PLS1: variants seen among roughly 807,000 people sequenced by gnomAD.
The protein encoded by PLS1 is plastin 1.
Under a neutral mutation model 73.7 loss-of-function variants are expected in PLS1, and 32 were observed. The observed-to-expected ratio is 0.43, with a 90% CI of 0.33 to 0.58. The LOEUF (loss-of-function observed/expected upper bound fraction) is 0.58, where lower values mean the gene tolerates loss of function less well. PLS1 is among the 20% of genes least tolerant of loss of function. The pLI is 0.04. For synonymous variants in PLS1, 217 were observed against 261.3 expected (o/e 0.83, Z 1.63); for missense variants, 633 against 740.5 (o/e 0.85, Z 1.68).
chr3:142,665,802 ATT>A (rs34007040), intron 2 of PLS1, among the ~76,000 whole-genome samples: 26 of 149,672 alleles, frequency 1.7e-4, no homozygotes, highest in East Asian at 3.9e-4. Context: ...TGATGGAACA[ATT>A]TTTTTTTTTT....
intron 1 of PLS1, among the ~76,000 whole-genome samples, chr3:142,610,867 A>G (rs906053170): frequency 4.6e-5 from 7 of 152,132 alleles, no homozygotes; most frequent in African/African-American, 1.7e-4. Context: ...GCTGAACACA[A>G]TTTTGGGCCC....
intron 6 of PLS1, among the ~76,000 whole-genome samples, chr3:142,681,698 A>G (rs1468198801): frequency 6.6e-6 from 1 of 152,168 alleles, no homozygotes; most frequent in Non-Finnish European, 1.5e-5. Flanking sequence ...GCAGTTGTCC[A>G]TGGTAAGAAT....
At chr3:142,667,409 G>T (rs910244710) in intron 2 of PLS1, among the ~76,000 whole-genome samples, 12 of 151,912 alleles carry the variant, frequency 7.9e-5, no homozygotes, top group African/African-American at 2.9e-4. Flanking sequence ...GCGAGACTCC[G>T]ACTCAAAAAA....
intron 1 of PLS1, among the ~76,000 whole-genome samples, chr3:142,622,421 C>T (rs980763153): frequency 2.0e-5 from 3 of 152,104 alleles, no homozygotes; most frequent in Non-Finnish European, 2.9e-5. Context: ...CTCCTTTCAC[C>T]CTGTTCCAAG....
intron 3 of PLS1, among the ~76,000 whole-genome samples, chr3:142,670,438 A>G (rs2037580625): frequency 6.6e-6 from 1 of 152,194 alleles, no homozygotes; most frequent in Admixed American, 6.5e-5. Context: ...AAGACAATGA[A>G]GTGGGAAGAA....
At chr3:142,598,991 A>G (rs1215640425) in intron 1 of PLS1, among the ~76,000 whole-genome samples, 1 of 151,522 alleles carries the variant, frequency 6.6e-6, no homozygotes, top group African/African-American at 2.4e-5. Context: ...ACAGTGCAAG[A>G]CTGCATCTGA....
intron 1 of PLS1, among the ~76,000 whole-genome samples, chr3:142,632,278 T>G (rs2036582367): frequency 6.6e-6 from 1 of 152,196 alleles, no homozygotes; most frequent in African/African-American, 2.4e-5. Flanking sequence ...AAAAGCGAGT[T>G]TTCTATGCAC....
chr3:142,705,101 TTTGA>T (rs1395431415), intron 14 of PLS1, among the ~76,000 whole-genome samples: 20 of 152,180 alleles, frequency 1.3e-4, no homozygotes, highest in African/African-American at 4.8e-4. Flanking sequence ...TTACTAAATT[TTTGA>T]TTGGTTGTCC....
chr3:142,643,471 G>C (rs2036883823), intron 1 of PLS1, among the ~76,000 whole-genome samples: 1 of 152,186 alleles, frequency 6.6e-6, no homozygotes, highest in African/African-American at 2.4e-5. Context: ...CCTATGATGG[G>C]CATCAGATAA....
intron 11 of PLS1, among the ~76,000 whole-genome samples, chr3:142,694,947 T>G (rs2038162844): frequency 6.6e-6 from 1 of 152,192 alleles, no homozygotes. Context: ...TTTTCTAATT[T>G]GTAAAAGTAA....
intron 6 of PLS1, among the ~76,000 whole-genome samples, chr3:142,681,650 G>A (rs939225144): frequency 7.2e-5 from 11 of 152,062 alleles, no homozygotes; most frequent in African/African-American, 1.4e-4. Context: ...CTATCTTTCC[G>A]CATCAACACG....
rs1371418663 is a variant in PLS1 at position 142,664,219 on chromosome 3, T to C, written c.-19T>C. 6 of 1,443,678 alleles carry C rather than the reference T, an allele frequency of 4.2e-6. No homozygotes were observed. The highest frequency in any genetic ancestry group is 3.6e-4 in the Middle Eastern group (2 of 5,598). The allele number at this position is 1,443,678 out of a possible 1,614,324, so 89.4% of individuals were successfully genotyped here. A position where few individuals can be genotyped will look rare whatever the true frequency, so the allele number is the denominator to read the frequency against. On this transcript the variant is annotated 5_prime_UTR_variant, in exon 2 of 16. Coordinates refer to ENST00000457734, the MANE Select transcript of PLS1 (RefSeq NM_001145319.2). ...TTTTCTAGATATAAAGACCTGAAGA[T>C]AGTCTTTTCTGTCCAAAGATGGAAA...
chr3:142,635,497 G>A (rs2036662570), intron 1 of PLS1, among the ~76,000 whole-genome samples: 1 of 152,002 alleles, frequency 6.6e-6, no homozygotes, highest in Non-Finnish European at 1.5e-5. Context: ...CAGCTACTCA[G>A]GAGGCTGAGG....
intron 8 of PLS1, among the ~76,000 whole-genome samples, chr3:142,685,650 A>T (rs760885127): frequency 6.6e-6 from 1 of 152,180 alleles, no homozygotes; most frequent in Non-Finnish European, 1.5e-5. Flanking sequence ...TCTTATGTAG[A>T]GGTTAACTTT....
At chr3:142,646,376 G>A (rs1048336793) in intron 1 of PLS1, among the ~76,000 whole-genome samples, 1 of 152,186 alleles carries the variant, frequency 6.6e-6, no homozygotes, top group South Asian at 2.1e-4. Context: ...TTTTTGATTG[G>A]ATGCAATGAG....
intron 11 of PLS1, among the ~76,000 whole-genome samples, chr3:142,696,562 C>CA (rs1162407795): frequency 6.6e-6 from 1 of 151,888 alleles, no homozygotes; most frequent in East Asian, 1.9e-4. Context: ...CAGCCCATAC[C>CA]AAAACAGCTA....
chr3:142,675,674 C>T (rs1390543964), intron 4 of PLS1, among the ~76,000 whole-genome samples: 2 of 151,550 alleles, frequency 1.3e-5, no homozygotes, highest in East Asian at 1.9e-4. Flanking sequence ...CGTGAGCCAC[C>T]GTGCTCCCCG....
At position 142,709,816 on chromosome 3, in the gene PLS1, CA is replaced by C. The variant is rs11438304; in HGVS notation, c.1630-1669del. On this transcript the variant is annotated intron_variant, in intron 14 of 15. Coordinates refer to ENST00000457734, the MANE Select transcript of PLS1 (RefSeq NM_001145319.2). ...TGGGCAACAGAGCGAGACTCTGCGT[CA>C]AAAAAAAAAAAAAAATTAATAAATG... 8.9e-3 allele frequency among the ~76,000 whole-genome samples: 1,248 copies of C among 140,506 alleles called. 9 individuals carry two copies. Among genetic ancestry groups the C allele is most frequent in the East Asian group, 0.013 (60 of 4,682 alleles). The allele number at this position is 140,506 out of a possible 152,430, so 92.2% of individuals were successfully genotyped here.
At position 142,650,888 on chromosome 3, in the gene PLS1, G is replaced by A. The variant is rs1348661707; in HGVS notation, c.-36-13314G>A. On this transcript the variant is annotated intron_variant, in intron 1 of 15. Coordinates refer to ENST00000457734, the MANE Select transcript of PLS1 (RefSeq NM_001145319.2). ...AGTAGATGGGATATAAATACTAAAT[G>A]AGAAGAAAAAGATCCTGGGATGCTA... Among the ~76,000 whole-genome samples, 11 of 152,154 alleles carry A rather than the reference G, an allele frequency of 7.2e-5. 1 individual carries two copies. The East Asian group carries it at 1.9e-3, about 27-fold the overall frequency.
Sources: allele counts gnomAD v4.1 joint callset (sites outside exome capture counted in the v4.1 genomes callset), GRCh38; gene constraint gnomAD v4.1.1; transcripts MANE v1.5; gene names NCBI Gene and HGNC (gene_info 2026-07-23, HGNC 2026-07-21).